The following LRBA variants were observed in gnomAD, a reference collection of about 807,000 sequenced individuals.
The protein encoded by LRBA is LPS responsive beige-like anchor protein.
In LRBA, 176 loss-of-function variants were observed where a neutral mutation model predicts 330.0. The observed-to-expected ratio is 0.53, with a 90% CI of 0.47 to 0.60. The LOEUF (loss-of-function observed/expected upper bound fraction) is 0.60, where lower values mean the gene tolerates loss of function less well. Among genes scored for constraint, LRBA ranks in the 20% least tolerant of loss-of-function variants. The pLI is 0.00. For synonymous variants in LRBA, 1,230 were observed against 1,193.0 expected (o/e 1.03, Z -0.64); for missense variants, 3,259 against 3,444.8 (o/e 0.95, Z 1.35).
chr4:150,678,350 G>A (rs1363837483), intron 37 of LRBA, among the ~76,000 whole-genome samples: 1 of 151,770 alleles, frequency 6.6e-6, no homozygotes, highest in African/African-American at 2.4e-5. Flanking sequence ...ACTATACTGT[G>A]ACCATATAAT....
intron 28 of LRBA, among the ~76,000 whole-genome samples, chr4:150,841,390 C>T (rs1749048719): frequency 6.6e-6 from 1 of 152,132 alleles, no homozygotes; most frequent in Admixed American, 6.5e-5. Context: ...AATAGATTTG[C>T]TTTCCATTGT....
chr4:150,371,253 C>T (rs1013284265), intron 47 of LRBA, among the ~76,000 whole-genome samples: 19 of 126,698 alleles, frequency 1.5e-4, no homozygotes, highest in African/African-American at 5.0e-4. Context: ...AGTGCAGTGG[C>T]GTGATCCCGG....
chr4:150,738,381 C>T lies in LRBA; in HGVS notation c.5646-3015G>A, dbSNP rs550232312. 3.3e-5 allele frequency among the ~76,000 whole-genome samples: 5 copies of T among 151,890 alleles called. No homozygotes were observed. In the East Asian group the frequency reaches 9.7e-4, roughly 29 times the overall value. Reference sequence around the variant, plus strand: ...ATTCACAGGTCCCCAAACAACAAACCTAAGAGGGTAGAGGAAAACTTTTCC... The same window carrying T: ...ATTCACAGGTCCCCAAACAACAAACTTAAGAGGGTAGAGGAAAACTTTTCC... On this transcript the variant is annotated intron_variant, in intron 35 of 56. Transcript: ENST00000651943.
At chr4:150,381,043 T>A (rs988687080) in intron 47 of LRBA, among the ~76,000 whole-genome samples, 2 of 151,400 alleles carry the variant, frequency 1.3e-5, no homozygotes, top group Non-Finnish European at 2.9e-5. Context: ...CTATTTAATA[T>A]TCCTTAGGAA....
At chr4:150,664,624 C>A (rs1236116216) in intron 37 of LRBA, among the ~76,000 whole-genome samples, 3 of 152,170 alleles carry the variant, frequency 2.0e-5, no homozygotes, top group African/African-American at 7.2e-5. Context: ...CAGGAATTAA[C>A]ATTGCCATTT....
At chr4:150,733,555 GTCTC>G (rs753439894) in intron 36 of LRBA, among the ~76,000 whole-genome samples, 21 of 148,338 alleles carry the variant, frequency 1.4e-4, no homozygotes, top group African/African-American at 4.9e-4. Flanking sequence ...GACTGATTCT[GTCTC>G]TCTCTCTCTC....
At chr4:150,309,425 C>T (rs143518444) in intron 52 of LRBA, among the ~76,000 whole-genome samples, 14 of 152,202 alleles carry the variant, frequency 9.2e-5, no homozygotes, top group South Asian at 6.2e-4. Context: ...AAGCAACACA[C>T]GACTGTAGAT....
chr4:150,848,560 A>G, intron 26 of LRBA, among the ~76,000 whole-genome samples: 1 of 83,306 alleles, frequency 1.2e-5, no homozygotes, highest in South Asian at 3.8e-4. Context: ...AGGGAGAAAA[A>G]AGAAAAAAAA....
intron 40 of LRBA, among the ~76,000 whole-genome samples, chr4:150,509,840 G>C (rs551322923): frequency 6.6e-6 from 1 of 152,282 alleles, no homozygotes; most frequent in Non-Finnish European, 1.5e-5. Context: ...CAGATCTCTT[G>C]AAAGACACAA....
intron 40 of LRBA, among the ~76,000 whole-genome samples, chr4:150,568,572 G>A (rs1769447814): frequency 6.6e-6 from 1 of 152,090 alleles, no homozygotes; most frequent in South Asian, 2.1e-4. Context: ...AAAAACTTTA[G>A]TGTAAATAAT....
chr4:150,861,013 C>A (rs1274798863), intron 22 of LRBA, among the ~76,000 whole-genome samples: 2 of 152,006 alleles, frequency 1.3e-5, no homozygotes, highest in Admixed American at 6.6e-5. Context: ...AGGCTACAAA[C>A]CTGTATAGCT....
intron 31 of LRBA, 132 bp from the exon 32 acceptor site, chr4:150,808,530 C>A: frequency 1.8e-6 from 1 of 565,188 alleles, no homozygotes. Context: ...ATTTGGATAA[C>A]ATTAAAATCT....
chr4:150,429,455 C>T (rs766786999), intron 46 of LRBA, among the ~76,000 whole-genome samples: 1 of 151,708 alleles, frequency 6.6e-6, no homozygotes, highest in Non-Finnish European at 1.5e-5. Flanking sequence ...TAGGGTCTTA[C>T]GTTGCAAAGA....
At chr4:150,960,111 C>G (rs896096883) in intron 2 of LRBA, among the ~76,000 whole-genome samples, 6 of 148,550 alleles carry the variant, frequency 4.0e-5, no homozygotes, top group Admixed American at 3.3e-4. Flanking sequence ...TTAAATACAT[C>G]TTTTCATAGA....
intron 36 of LRBA, among the ~76,000 whole-genome samples, chr4:150,717,485 G>A (rs947127627): frequency 1.3e-5 from 2 of 151,230 alleles, no homozygotes; most frequent in African/African-American, 2.4e-5. Flanking sequence ...TGACAAAACC[G>A]ATCTCTACAA....
intron 28 of LRBA, among the ~76,000 whole-genome samples, chr4:150,834,617 T>C (rs1010108870): frequency 6.6e-6 from 1 of 152,190 alleles, no homozygotes; most frequent in African/African-American, 2.4e-5. Flanking sequence ...TCCTTCCTTT[T>C]ATAGAGCACA....
At position 150,284,369 on chromosome 4, in the gene LRBA, A is replaced by G. The variant is rs7680501; in HGVS notation, c.8119+1564T>C. Among the ~76,000 whole-genome samples the G allele has an allele frequency of 5.9e-3, 897 of 152,340 alleles. 11 individuals are homozygous for G. Among genetic ancestry groups the G allele is most frequent in the African/African-American group, 0.02 (845 of 41,572 alleles). On this transcript the variant is annotated intron_variant, in intron 54 of 56. Transcript: ENST00000651943. ...AAAGATGCTAGCTCCTTACATGTAT[A>G]TAACAAGAAGGCAGTAAGCACTGTT...
chr4:150,662,587 G>T (rs1032844652), intron 37 of LRBA, among the ~76,000 whole-genome samples: 4 of 152,220 alleles, frequency 2.6e-5, no homozygotes, highest in Admixed American at 2.6e-4. Flanking sequence ...CAAAGGTGAA[G>T]AAGTTTGAAA....
intron 50 of LRBA, among the ~76,000 whole-genome samples, chr4:150,318,176 G>T (rs1053092052): frequency 6.6e-6 from 1 of 152,094 alleles, no homozygotes; most frequent in South Asian, 2.1e-4. Flanking sequence ...CAGGAAAGTT[G>T]GGACCTGGAT....
Sources: allele counts gnomAD v4.1 joint callset (sites outside exome capture counted in the v4.1 genomes callset), GRCh38; gene constraint gnomAD v4.1.1; transcripts MANE v1.5; gene names NCBI Gene and HGNC (gene_info 2026-07-23, HGNC 2026-07-21).